MAK16: variants seen among roughly 807,000 people sequenced by gnomAD.
MAK16 encodes protein MAK16 homolog.
Under a neutral mutation model 49.9 loss-of-function variants are expected in MAK16, and 12 were observed. The ratio of observed to expected loss-of-function variants is 0.24; its 90% confidence interval spans 0.15 to 0.39. The LOEUF is 0.39. Among genes scored for constraint, MAK16 ranks in the 10% least tolerant of loss-of-function variants. The pLI, the probability that MAK16 is intolerant of heterozygous loss-of-function variation, is 1.00. For missense variants in MAK16, 292 were observed against 363.7 expected, an observed-to-expected ratio of 0.80 and a Z score of 1.60; for synonymous variants, 115 against 126.4, an observed-to-expected ratio of 0.91 and a Z score of 0.60.
chr8:33,498,368 G>A (rs2676419), intron 9 of MAK16, 64 bp from the exon 10 acceptor site: 1 of 1,442,318 alleles, frequency 6.9e-7, no homozygotes, highest in Admixed American at 1.9e-5. Flanking sequence ...GAGGGGACAA[G>A]GAAGGGAGTT....
Position 33,498,966 on chromosome 8 carries a change from C to A in MAK16, c.*337C>A, listed in dbSNP as rs1278485381. Reference sequence around the variant, plus strand: ...ACATTACTTGGTGTCCTTTTTTCTCCCAAACTTTATTTAGAAATGGAAGGA... The same window carrying A: ...ACATTACTTGGTGTCCTTTTTTCTCACAAACTTTATTTAGAAATGGAAGGA... On this transcript the variant is annotated 3_prime_UTR_variant, in exon 10 of 10. Transcript: ENST00000360128. 2 of 587,172 alleles carry A rather than the reference C, an allele frequency of 3.4e-6. No homozygotes were observed. The highest frequency in any genetic ancestry group is 6.0e-6 in the Non-Finnish European group (2 of 334,718). 36.4% of individuals were successfully genotyped at this position (587,172 alleles called of 1,614,324 possible).
intron 1 of MAK16, 115 bp downstream of exon 1, chr8:33,485,336 G>A: frequency 5.0e-6 from 7 of 1,411,686 alleles, no homozygotes; most frequent in Non-Finnish European, 6.0e-6. Context: ...CGCTCTGGAT[G>A]TGAGGCTTCC....
rs1156286281 is a variant in MAK16, at chr8:33,500,783, G to A, written c.*2154G>A. ...AACAGCTCCTTCATGGGCTGAGAAG[G>A]GGAAACCAGGATCTCCCCAACCAAG... On this transcript the variant is annotated 3_prime_UTR_variant, in exon 10 of 10. Transcript: ENST00000360128. 3 of 316,870 alleles carry A rather than the reference G, an allele frequency of 9.5e-6. No individual in the cohort carries two copies. Among genetic ancestry groups the A allele is most frequent in the South Asian group, 7.4e-5 (2 of 26,934 alleles). 19.6% of individuals were successfully genotyped at this position (316,870 alleles called of 1,614,324 possible). A position where few individuals can be genotyped will look rare whatever the true frequency, so the allele number is the denominator to read the frequency against.
intron 9 of MAK16, 78 bp downstream of exon 9, chr8:33,497,375 G>A (rs1808886057): frequency 1.8e-6 from 2 of 1,133,638 alleles, no homozygotes; most frequent in South Asian, 2.8e-5. Context: ...GAGGTGGCCA[G>A]GCACCGTGGT....
intron 6 of MAK16, among the ~76,000 whole-genome samples, chr8:33,491,867 C>T (rs10103847): frequency 0.051 from 7,824 of 152,006 alleles, 331 homozygotes; most frequent in African/African-American, 0.12. Context: ...CTCCTGGGCT[C>T]AAGCAATCCA....
At position 33,488,446 on chromosome 8, in the gene MAK16, C is replaced by T. The variant is rs777296639; in HGVS notation, c.65+19C>T. The T allele has an allele frequency of 1.3e-5, 21 of 1,614,072 alleles. No individual in the cohort carries two copies. Among genetic ancestry groups the T allele is most frequent in the Non-Finnish European group, 1.4e-5 (17 of 1,179,926 alleles). On this transcript the variant is annotated intron_variant, in intron 2 of 9. Transcript: ENST00000360128. ...AAATAAGGTGAGTCTCAATTTACAACTTGGTCAAAGATTCCTTCAGTTGCC... is the reference window on the plus strand; with the variant it reads ...AAATAAGGTGAGTCTCAATTTACAATTTGGTCAAAGATTCCTTCAGTTGCC...
intron 1 of MAK16, chr8:33,485,550 C>T: frequency 2.4e-6 from 1 of 419,544 alleles, no homozygotes; most frequent in Non-Finnish European, 4.4e-6. Flanking sequence ...TGGGGGGCGG[C>T]CCGGGATTTG....
rs754561581 is a variant in MAK16 at position 33,496,706 on chromosome 8, A to G, written c.604A>G (p.Thr202Ala). 6.2e-7 allele frequency: 1 copy of G among 1,612,678 alleles called. No individual in the cohort carries two copies. The highest frequency in any genetic ancestry group is 2.2e-5 in the East Asian group (1 of 44,834). ...QQEAESDSSD[T>A]EEKDDDDDDE... ...GGAGGCAGAGAGTGACTCTTCAGATACTGAGGAAAAAGATGATGATGATGA... is the reference window on the plus strand; with the variant it reads ...GGAGGCAGAGAGTGACTCTTCAGATGCTGAGGAAAAAGATGATGATGATGA... Residue 202 changes from threonine to alanine, a missense_variant, in exon 8 of 10, where the codon ACT becomes GCT. Transcript: ENST00000360128.
chr8:33,486,833 T>A (rs1808695295), intron 1 of MAK16, among the ~76,000 whole-genome samples: 1 of 152,220 alleles, frequency 6.6e-6, no homozygotes, highest in South Asian at 2.1e-4. Context: ...TGTTAATATT[T>A]ATGTTGCCTT....
At position 33,489,290 on chromosome 8, in the gene MAK16, T is replaced by G. The variant is rs901705425; in HGVS notation, c.392+151T>G. On this transcript the variant is annotated intron_variant, in intron 5 of 9. Coordinates refer to ENST00000360128, the MANE Select transcript of MAK16 (RefSeq NM_032509.4). The surrounding 1 kb of genome is among the most constrained non-coding windows in gnomAD (Gnocchi z 4.2). The stretch of plus-strand genomic sequence containing the variant: ...GAGAAACTTTAGCTTTGACTAAAGG[T>G]GTGCCCTTTGATATGGCAGGACTTT... The G allele has an allele frequency of 1.6e-6, 1 of 644,928 alleles. No homozygotes were observed. The highest frequency in any genetic ancestry group is 2.6e-6 in the Non-Finnish European group (1 of 382,104). 40.0% of individuals were successfully genotyped at this position (644,928 alleles called of 1,614,324 possible).
rs1182585864 is a variant in MAK16 at position 33,489,710 on chromosome 8, C to G, written c.392+571C>G. 1.3e-5 allele frequency among the ~76,000 whole-genome samples: 2 copies of G among 152,130 alleles called. No individual in the cohort carries two copies. The highest frequency in any genetic ancestry group is 6.6e-5 in the Admixed American group (1 of 15,262). On this transcript the variant is annotated intron_variant, in intron 5 of 9. Coordinates refer to ENST00000360128, the MANE Select transcript of MAK16 (RefSeq NM_032509.4). The surrounding 1 kb of genome is among the most constrained non-coding windows in gnomAD (Gnocchi z 4.2). ...TTTCCTCTATGACCCCCGAGGGAAT[C>G]TTAACTTTAGAGATTTGAAAATGAT... is the stretch of plus-strand genomic sequence containing the variant.
rs1389291310 is a variant in MAK16 at position 33,489,544 on chromosome 8, T to A, written c.392+405T>A. ...GGCATGGACCACCATGCCTGGTTAA[T>A]TTTTTTTGTATTTTTAGTAGAGATG... On this transcript the variant is annotated intron_variant, in intron 5 of 9. Transcript: ENST00000360128. The surrounding 1 kb of genome is among the most constrained non-coding windows in gnomAD (Gnocchi z 4.2). Among the ~76,000 whole-genome samples, 1 of 151,768 alleles carries A rather than the reference T, an allele frequency of 6.6e-6. No homozygotes were observed. The highest frequency in any genetic ancestry group is 1.9e-4 in the East Asian group (1 of 5,168).
chr8:33,486,338 A>T (rs1265132690), intron 1 of MAK16, among the ~76,000 whole-genome samples: 2 of 152,170 alleles, frequency 1.3e-5, no homozygotes, highest in African/African-American at 4.8e-5. Context: ...GGATCGCTTG[A>T]GGCCAGGAGT....
In MAK16 at chr8:33,500,491, C is replaced by G. The variant is rs1415306007; in HGVS notation, c.*1862C>G. 1.9e-6 allele frequency: 3 copies of G among 1,613,902 alleles called. No individual in the cohort carries two copies. Among genetic ancestry groups the G allele is most frequent in the Admixed American group, 1.7e-5 (1 of 59,990 alleles). ...TAAGACCACAAGTCTGCAGGAAACT[C>G]TGGAATCAGGAAGAAAAGCTATGTT... On this transcript the variant is annotated 3_prime_UTR_variant, in exon 10 of 10. Transcript: ENST00000360128.
intron 1 of MAK16, 60 bp downstream of exon 1, chr8:33,485,281 C>A: frequency 6.2e-7 from 1 of 1,612,426 alleles, no homozygotes; most frequent in South Asian, 1.1e-5. Flanking sequence ...TGCCCATTTT[C>A]GGACACTTAG....
At position 33,485,417 on chromosome 8, in the gene MAK16, G is replaced by T. The variant is rs542098932; in HGVS notation, c.15+196G>T. 1.6e-3 allele frequency: 1,146 copies of T among 695,152 alleles called. 7 individuals are homozygous for T. The highest frequency in any genetic ancestry group is 2.3e-3 in the Non-Finnish European group (903 of 398,452). The allele number at this position is 695,152 out of a possible 1,614,324, so 43.1% of individuals were successfully genotyped here. A position where few individuals can be genotyped will look rare whatever the true frequency, so the allele number is the denominator to read the frequency against. ...GGTTTACTGCCCGCTGCCCCGGCCG[G>T]GTTGTGAGCACAGGACTCCGTCACC... On this transcript the variant is annotated intron_variant, in intron 1 of 9. Coordinates refer to ENST00000360128, the MANE Select transcript of MAK16 (RefSeq NM_032509.4).
chr8:33,485,204 A>T lies in MAK16; in HGVS notation c.-3A>T. 1 of 1,614,132 alleles carries T rather than the reference A, an allele frequency of 6.2e-7. No individual in the cohort carries two copies. On this transcript the variant is annotated 5_prime_UTR_variant, in exon 1 of 10. Transcript: ENST00000360128. ...GGAAGTTGCACGCTGAGCCGCGGAC[A>T]CCATGCAGTCGGATGATGTGAGTCT...
rs745939703 is a variant in MAK16, at chr8:33,489,174, C to G, written c.392+35C>G. ...TGGATCATTCATTATTTTTAAATCT[C>G]TCTTTTTATGGAGCTTGTTTTGAAG... On this transcript the variant is annotated intron_variant, in intron 5 of 9. Coordinates refer to ENST00000360128, the MANE Select transcript of MAK16 (RefSeq NM_032509.4). This position sits in a 1 kb window ranked among gnomAD's most constrained non-coding sequence, Gnocchi z 4.2. 6.4e-7 allele frequency: 1 copy of G among 1,570,260 alleles called. No homozygotes were observed.
At chr8:33,495,966 G>C (rs1278680967) in intron 7 of MAK16, among the ~76,000 whole-genome samples, 1 of 151,854 alleles carries the variant, frequency 6.6e-6, no homozygotes, top group Non-Finnish European at 1.5e-5. Context: ...CACTGTGCCT[G>C]GCTGGGAAAT....
Sources: gnomAD v4.1 joint callset for allele counts (sites outside exome capture counted in the v4.1 genomes callset) on GRCh38, gnomAD v4.1.1 for gene constraint, Gnocchi (gnomAD v3.1) non-coding constraint, MANE v1.5 for transcripts, NCBI Gene and HGNC (gene_info 2026-07-23, HGNC 2026-07-21) for gene names.